CMTM7: variants seen among roughly 807,000 people sequenced by gnomAD.
CMTM7 encodes CKLF like MARVEL transmembrane domain containing 7.
Under a neutral mutation model 19.3 loss-of-function variants are expected in CMTM7, and 7 were observed. The ratio of observed to expected loss-of-function variants is 0.36; its 90% CI spans 0.21 to 0.68. The LOEUF is 0.68. Among genes scored for constraint, CMTM7 ranks in the 30% least tolerant of loss-of-function variants. CMTM7 has a pLI of 0.60. For synonymous variants in CMTM7, 87 were observed against 99.3 expected (o/e 0.88, Z 0.74); for missense variants, 193 against 232.6 (o/e 0.83, Z 1.11).
At chr3:32,423,978 C>CT (rs1696384454) in intron 1 of CMTM7, among the ~76,000 whole-genome samples, 1 of 152,220 alleles carries the variant, frequency 6.6e-6, no homozygotes, top group South Asian at 2.1e-4. Context: ...ACCTTTTTCT[C>CT]TTTAAGTGCT....
intron 1 of CMTM7, among the ~76,000 whole-genome samples, chr3:32,413,525 T>C (rs1441134920): frequency 1.3e-5 from 2 of 152,212 alleles, no homozygotes; most frequent in African/African-American, 4.8e-5. Flanking sequence ...CTAATCTTCA[T>C]CTCCATTATA....
chr3:32,412,838 A>G (rs73825005), intron 1 of CMTM7, among the ~76,000 whole-genome samples: 2,095 of 152,234 alleles, frequency 0.014, 47 homozygotes, highest in African/African-American at 0.048. Context: ...TTATTTTTCT[A>G]TTACAAAATT....
At chr3:32,416,373 T>C (rs1212140832) in intron 1 of CMTM7, among the ~76,000 whole-genome samples, 1,921 of 89,158 alleles carry the variant, frequency 0.022, 196 homozygotes, top group Non-Finnish European at 0.032. Context: ...TTTTTTTTTT[T>C]TTTTTTTTTT....
intron 1 of CMTM7, among the ~76,000 whole-genome samples, chr3:32,397,876 C>T (rs1695941535): frequency 6.6e-6 from 1 of 152,144 alleles, no homozygotes; most frequent in African/African-American, 2.4e-5. Flanking sequence ...GTTAGGATGC[C>T]TCTGACAAGC....
chr3:32,424,614 G>A (rs1048067918), intron 1 of CMTM7, among the ~76,000 whole-genome samples: 3 of 150,116 alleles, frequency 2.0e-5, no homozygotes, highest in Middle Eastern at 3.5e-3. Context: ...CCCTCTCCCA[G>A]ACCACTGAGC....
intron 1 of CMTM7, among the ~76,000 whole-genome samples, chr3:32,398,030 T>C (rs916461455): frequency 2.0e-5 from 3 of 152,128 alleles, no homozygotes; most frequent in African/African-American, 7.2e-5. Context: ...AGGTTGGGAG[T>C]GGCTCATTTA....
intron 1 of CMTM7, among the ~76,000 whole-genome samples, chr3:32,412,940 ACC>A (rs1361291968): frequency 6.6e-6 from 1 of 152,248 alleles, no homozygotes; most frequent in Non-Finnish European, 1.5e-5. Flanking sequence ...AATTTATGTG[ACC>A]ACTCACTTTT....
chr3:32,399,678 C>T (rs941772137), intron 1 of CMTM7, among the ~76,000 whole-genome samples: 4 of 152,050 alleles, frequency 2.6e-5, no homozygotes, highest in African/African-American at 7.2e-5. Context: ...ATGTGTATGG[C>T]GGAGGGCGAG....
At chr3:32,452,607 G>A in intron 4 of CMTM7, 134 bp downstream of exon 4, 2 of 839,602 alleles carry the variant, frequency 2.4e-6, no homozygotes, top group Non-Finnish European at 3.9e-6. Flanking sequence ...TAGTATTAGA[G>A]CACAGGGGCC....
At chr3:32,406,753 G>C (rs950531997) in intron 1 of CMTM7, among the ~76,000 whole-genome samples, 1 of 152,214 alleles carries the variant, frequency 6.6e-6, no homozygotes, top group Non-Finnish European at 1.5e-5. Flanking sequence ...GTAAGCAAGG[G>C]TAGAAAGAGC....
chr3:32,393,929 A>G (rs374799259), intron 1 of CMTM7, among the ~76,000 whole-genome samples: 6 of 152,222 alleles, frequency 3.9e-5, no homozygotes, highest in African/African-American at 1.2e-4. Flanking sequence ...CCTTGGGCCA[A>G]TTTGCAAGTG....
At chr3:32,396,112 A>T in intron 1 of CMTM7, among the ~76,000 whole-genome samples, 1 of 152,190 alleles carries the variant, frequency 6.6e-6, no homozygotes, top group Non-Finnish European at 1.5e-5. Context: ...AAAATAGATT[A>T]GTGGTTGCCT....
intron 1 of CMTM7, among the ~76,000 whole-genome samples, chr3:32,409,124 G>T (rs770530878): frequency 6.6e-6 from 1 of 151,914 alleles, no homozygotes; most frequent in East Asian, 1.9e-4. Flanking sequence ...CTCATGATAC[G>T]CCCGCCTGGG....
At chr3:32,423,832 G>T (rs1696382247) in intron 1 of CMTM7, among the ~76,000 whole-genome samples, 1 of 152,116 alleles carries the variant, frequency 6.6e-6, no homozygotes, top group South Asian at 2.1e-4. Context: ...AGCCCCCCAG[G>T]TGCAGGTCAC....
At chr3:32,444,512 CT>C (rs1426560541) in intron 2 of CMTM7, among the ~76,000 whole-genome samples, 2 of 152,146 alleles carry the variant, frequency 1.3e-5, no homozygotes, top group African/African-American at 4.8e-5. Flanking sequence ...AATTATTCTT[CT>C]TTTTTAGGAT....
intron 1 of CMTM7, among the ~76,000 whole-genome samples, chr3:32,396,378 G>C (rs1294138330): frequency 5.3e-5 from 8 of 152,076 alleles, no homozygotes. Context: ...GTGGTGGCAG[G>C]TGCCTGTAAT....
chr3:32,394,272 C>G (rs1396492345), intron 1 of CMTM7, among the ~76,000 whole-genome samples: 1 of 152,054 alleles, frequency 6.6e-6, no homozygotes, highest in Non-Finnish European at 1.5e-5. Flanking sequence ...GCTTGTTTAG[C>G]CAAGTTTTAA....
In CMTM7 at chr3:32,451,895, C is replaced by A. The variant is rs192895684; in HGVS notation, c.433-497C>A. On this transcript the variant is annotated intron_variant, in intron 3 of 4. Transcript: ENST00000334983. ...TTGTTTAATATGTACAAACGTAAACCTAGATGTAAAGGCCTCGGCTTCTGG... is the reference window on the plus strand; with the variant it reads ...TTGTTTAATATGTACAAACGTAAACATAGATGTAAAGGCCTCGGCTTCTGG... 143 of 391,768 alleles carry A rather than the reference C, an allele frequency of 3.7e-4. 1 individual carries two copies. In the East Asian group the frequency reaches 3.7e-3, roughly 10 times the overall value. The allele number at this position is 391,768 out of a possible 1,614,324, so 24.3% of individuals were successfully genotyped here. A position where few individuals can be genotyped will look rare whatever the true frequency, so the allele number is the denominator to read the frequency against.
Position 32,449,412 on chromosome 3 carries a change from T to G in CMTM7, c.334-42T>G. ...CCAGTTGCTCTTCCCGGACCAGAAATGGACGGCCCTACCCACTTATTTGCT... is the reference window on the plus strand; with the variant it reads ...CCAGTTGCTCTTCCCGGACCAGAAAGGGACGGCCCTACCCACTTATTTGCT... On this transcript the variant is annotated intron_variant, in intron 2 of 4. Coordinates refer to ENST00000334983, the MANE Select transcript of CMTM7 (RefSeq NM_138410.4). This position sits in a 1 kb window ranked among gnomAD's most constrained non-coding sequence, Gnocchi z 4.5. The G allele has an allele frequency of 7.2e-7, 1 of 1,380,116 alleles. No individual in the cohort carries two copies. Among genetic ancestry groups the G allele is most frequent in the Non-Finnish European group, 1.0e-6 (1 of 966,664 alleles). 85.5% of individuals were successfully genotyped at this position (1,380,116 alleles called of 1,614,324 possible).
Sources: gnomAD v4.1 joint callset for allele counts (sites outside exome capture counted in the v4.1 genomes callset) on GRCh38, gnomAD v4.1.1 for gene constraint, Gnocchi (gnomAD v3.1) non-coding constraint, MANE v1.5 for transcripts, NCBI Gene and HGNC (gene_info 2026-07-23, HGNC 2026-07-21) for gene names.